MANSC4: variants seen among roughly 807,000 people sequenced by gnomAD.
MANSC4 encodes the protein MANSC domain containing 4, also known as MANSC domain-containing protein 4.
MANSC4 carries 11 observed loss-of-function variants against 11.4 expected under a neutral mutation model. That is an observed-to-expected ratio of 0.97 (90% CI 0.61 to 1.60). The LOEUF (loss-of-function observed/expected upper bound fraction) is 1.60. Among genes scored for constraint, MANSC4 ranks in the 40% most tolerant of loss-of-function variants. The pLI, the probability that MANSC4 is intolerant of heterozygous loss-of-function variation, is 0.00. For synonymous variants in MANSC4, 123 were observed against 147.1 expected (o/e 0.84, Z 1.19); for missense variants, 354 against 404.6 (o/e 0.88, Z 1.07).
At chr12:27,777,890 T>C (rs931471944) in intron 1 of MANSC4, among the ~76,000 whole-genome samples, 2 of 152,054 alleles carry the variant, frequency 1.3e-5, no homozygotes, top group African/African-American at 4.8e-5. Context: ...GAGGTCTGTC[T>C]TGGGCAAGGT....
intron 2 of MANSC4, 130 bp downstream of exon 2, chr12:27,770,918 T>C: frequency 1.5e-6 from 1 of 661,824 alleles, no homozygotes; most frequent in Non-Finnish European, 2.5e-6. Flanking sequence ...TCCCTCTCTC[T>C]CCCACACCCT....
At chr12:27,779,803 T>G (rs1273450919) in intron 1 of MANSC4, 2 of 152,166 alleles carry the variant, frequency 1.3e-5, no homozygotes, top group Middle Eastern at 3.4e-3. Context: ...GGAGCATCAC[T>G]GCAGCCCCCA....
Position 27,762,762 on chromosome 12 carries a change from G to GT in MANSC4, c.998dup (p.Asn333LysfsTer28). The GT allele has an allele frequency of 6.5e-6, 10 of 1,545,326 alleles. No homozygotes were observed. Among genetic ancestry groups the GT allele is most frequent in the Non-Finnish European group, 7.9e-6 (9 of 1,144,712 alleles). On this transcript the variant is annotated frameshift_variant, in exon 4 of 4. Transcript: ENST00000381273. LOFTEE classifies it low-confidence loss of function (END_TRUNC). ...ACTATGAAGAGTTCTCCTTCATATG[G>GT]TTACGGTTTTTAATTTGCAAGGATC...
chr12:27,765,550 C>G (rs2062068762), intron 3 of MANSC4, among the ~76,000 whole-genome samples: 1 of 152,186 alleles, frequency 6.6e-6, no homozygotes, highest in Non-Finnish European at 1.5e-5. Context: ...CTTCTTCTGC[C>G]TGCCTTCTTC....
chr12:27,778,930 G>A (rs1355889928), intron 1 of MANSC4, among the ~76,000 whole-genome samples: 2 of 152,130 alleles, frequency 1.3e-5, no homozygotes, highest in East Asian at 1.9e-4. Context: ...GTGCAGTGGC[G>A]CGATCTCGGC....
At chr12:27,765,581 GCTGA>G (rs1313366119) in intron 3 of MANSC4, among the ~76,000 whole-genome samples, 6 of 152,022 alleles carry the variant, frequency 3.9e-5, no homozygotes, top group African/African-American at 9.7e-5. Flanking sequence ...CTCTGAATAC[GCTGA>G]CTTTCACTAG....
chr12:27,774,607 C>A (rs942245363), intron 1 of MANSC4, among the ~76,000 whole-genome samples: 2 of 152,124 alleles, frequency 1.3e-5, no homozygotes, highest in African/African-American at 2.4e-5. Context: ...AGTTTAAAGA[C>A]CTTAATTGGC....
chr12:27,775,485 C>T (rs2062116274), intron 1 of MANSC4, among the ~76,000 whole-genome samples: 1 of 152,122 alleles, frequency 6.6e-6, no homozygotes, highest in East Asian at 1.9e-4. Context: ...TGTGGTTGTG[C>T]CACTGCACTC....
chr12:27,765,072 A>C (rs2062066363), intron 3 of MANSC4, among the ~76,000 whole-genome samples: 1 of 152,150 alleles, frequency 6.6e-6, no homozygotes, highest in South Asian at 2.1e-4. Flanking sequence ...CCTGGGCTCA[A>C]GTGATCCTCC....
chr12:27,771,951 G>C (rs991612180), intron 1 of MANSC4, among the ~76,000 whole-genome samples: 14 of 152,102 alleles, frequency 9.2e-5, no homozygotes, highest in African/African-American at 3.4e-4. Flanking sequence ...GGCTGAGGTG[G>C]GAGACTGCTT....
At chr12:27,773,923 G>A (rs925040643) in intron 1 of MANSC4, among the ~76,000 whole-genome samples, 3 of 152,058 alleles carry the variant, frequency 2.0e-5, no homozygotes, top group Admixed American at 6.6e-5. Context: ...TGAGATGGGC[G>A]GATCACTAGA....
At chr12:27,772,069 AAAC>A (rs1199276078) in intron 1 of MANSC4, among the ~76,000 whole-genome samples, 2 of 152,198 alleles carry the variant, frequency 1.3e-5, no homozygotes, top group African/African-American at 4.8e-5. Flanking sequence ...ACAAACAAAC[AAAC>A]AAAAAACACT....
Position 27,771,109 on chromosome 12 carries a change from C to G in MANSC4, c.168G>C (p.Leu56Phe), listed in dbSNP as rs2062098596. 6.4e-7 allele frequency: 1 copy of G among 1,551,792 alleles called. No homozygotes were observed. The highest frequency in any genetic ancestry group is 2.0e-5 in the Admixed American group (1 of 51,000). Residue 56 changes from leucine to phenylalanine, a missense_variant, in exon 2 of 4, where the codon TTG becomes TTC. Transcript: ENST00000381273. ...EESQKLGAQF[L>F]KYYSESTGQK... ...GGCCAGTGCTTTCAGAATAATACTT[C>G]AAGAACTGGGCTCCCAGCTTCTGAG...
intron 1 of MANSC4, among the ~76,000 whole-genome samples, chr12:27,774,917 G>A (rs1278275412): frequency 3.3e-5 from 5 of 151,992 alleles, no homozygotes; most frequent in African/African-American, 1.2e-4. Context: ...CCAGCTACTC[G>A]GGAGGCTGAG....
chr12:27,778,213 G>A (rs1392718103), intron 1 of MANSC4, among the ~76,000 whole-genome samples: 2 of 127,072 alleles, frequency 1.6e-5, no homozygotes, highest in East Asian at 2.4e-4. Flanking sequence ...CAACAAGAGG[G>A]AAACTCTGTC....
At chr12:27,768,403 A>G (rs1413045279) in intron 2 of MANSC4, among the ~76,000 whole-genome samples, 1 of 13,820 alleles carries the variant, frequency 7.2e-5, no homozygotes, top group African/African-American at 2.8e-4. Context: ...ACTCTGTCTC[A>G]AAAAAAAAAA....
At chr12:27,775,683 T>A (rs907489147) in intron 1 of MANSC4, among the ~76,000 whole-genome samples, 3 of 152,042 alleles carry the variant, frequency 2.0e-5, no homozygotes, top group Admixed American at 6.6e-5. Context: ...ATTACAGGAA[T>A]CGGTCACTGC....
intron 1 of MANSC4, among the ~76,000 whole-genome samples, chr12:27,774,321 T>A (rs2062111421): frequency 6.6e-6 from 1 of 152,170 alleles, no homozygotes; most frequent in African/African-American, 2.4e-5. Context: ...TTTAATTAAT[T>A]ATTTATTTAT....
intron 2 of MANSC4, among the ~76,000 whole-genome samples, chr12:27,769,855 T>A (rs1308004784): frequency 6.6e-6 from 1 of 152,250 alleles, no homozygotes; most frequent in African/African-American, 2.4e-5. Context: ...TGCTGTTTAT[T>A]TTCAAGTAGC....
Sources: gnomAD v4.1 joint callset for allele counts (sites outside exome capture counted in the v4.1 genomes callset) on GRCh38, gnomAD v4.1.1 for gene constraint, MANE v1.5 for transcripts, NCBI Gene and HGNC (gene_info 2026-07-23, HGNC 2026-07-21) for gene names.